The following MACROD2 variants were observed in gnomAD, a reference collection of about 807,000 sequenced individuals.
MACROD2 encodes the protein ADP-ribose glycohydrolase MACROD2.
Under a neutral mutation model 70.4 loss-of-function variants are expected in MACROD2, and 36 were observed. The observed-to-expected ratio is 0.51, with a 90% CI of 0.39 to 0.68. The LOEUF is 0.68. Ranked by LOEUF, MACROD2 falls within the 30% of genes least tolerant of loss-of-function variation. The pLI is 0.00. For synonymous variants in MACROD2, 172 were observed against 178.8 expected (o/e 0.96, Z 0.30); for missense variants, 496 against 538.4 (o/e 0.92, Z 0.78).
At chr20:15,009,739 C>G (rs1033233700) in intron 5 of MACROD2, among the ~76,000 whole-genome samples, 1 of 147,810 alleles carries the variant, frequency 6.8e-6, no homozygotes, top group Admixed American at 6.7e-5. Flanking sequence ...TTTTTTCAGT[C>G]TTTGAAACAC....
Position 15,230,079 on chromosome 20 carries a change from TTTTA to T in MACROD2, c.540+22_540+25del, listed in dbSNP as rs771888648. 14 of 1,609,226 alleles carry T rather than the reference TTTTA, an allele frequency of 8.7e-6. No homozygotes were observed. In the Admixed American group the frequency reaches 1.5e-4, roughly 17 times the overall value. On this transcript the variant is annotated intron_variant, in intron 6 of 17. Coordinates refer to ENST00000684519, the MANE Select transcript of MACROD2 (RefSeq NM_001351661.2). ...GATCAGTTGTAAGTAATTTTATGTT[TTTTA>T]TTTCTCACTCTTTTTCAACCTTTAT...
At chr20:14,777,127 C>A (rs1050346879) in intron 5 of MACROD2, among the ~76,000 whole-genome samples, 7 of 151,990 alleles carry the variant, frequency 4.6e-5, no homozygotes, top group Admixed American at 1.3e-4. Context: ...TATAAATATT[C>A]TTGCACATGT....
intron 15 of MACROD2, among the ~76,000 whole-genome samples, chr20:16,035,244 AC>A (rs1275823969): frequency 6.8e-6 from 1 of 147,794 alleles, no homozygotes; most frequent in Non-Finnish European, 1.5e-5. Flanking sequence ...TTCTTTATCC[AC>A]TCATTGACTG....
chr20:15,031,945 C>G lies in MACROD2; in HGVS notation c.419-197995C>G, dbSNP rs1300476400. Among the ~76,000 whole-genome samples the G allele has an allele frequency of 2.6e-5, 4 of 152,288 alleles. No individual in the cohort carries two copies. The East Asian group carries it at 7.7e-4, about 29-fold the overall frequency. ...ATCCAGGGCACCCAGGCTGTTCGTG[C>G]CCAGGCCCGCACCGAGCTGACCGCC... On this transcript the variant is annotated intron_variant, in intron 5 of 17. Coordinates refer to ENST00000684519, the MANE Select transcript of MACROD2 (RefSeq NM_001351661.2).
At chr20:15,700,024 A>T (rs2050433991) in intron 8 of MACROD2, among the ~76,000 whole-genome samples, 1 of 152,058 alleles carries the variant, frequency 6.6e-6, no homozygotes, top group Non-Finnish European at 1.5e-5. Flanking sequence ...ACAGACCTTC[A>T]GCTTCTCCAG....
chr20:15,928,040 T>C (rs991712158), intron 10 of MACROD2, among the ~76,000 whole-genome samples: 2 of 152,218 alleles, frequency 1.3e-5, no homozygotes, highest in East Asian at 1.9e-4. Context: ...TCTTGAAAAG[T>C]GGCGAAACAC....
At chr20:14,327,354 G>A in intron 3 of MACROD2, 2 of 1,613,770 alleles carry the variant, frequency 1.2e-6, no homozygotes, top group Non-Finnish European at 1.7e-6. Context: ...CTGTTGGAAT[G>A]GATGTCAGAA....
At chr20:14,878,987 C>A (rs948471021) in intron 5 of MACROD2, among the ~76,000 whole-genome samples, 2 of 152,138 alleles carry the variant, frequency 1.3e-5, no homozygotes, top group Non-Finnish European at 2.9e-5. Flanking sequence ...TTACTTCCTG[C>A]ATGCTTCAGC....
intron 7 of MACROD2, among the ~76,000 whole-genome samples, chr20:15,435,526 A>T (rs1203765981): frequency 6.6e-6 from 1 of 152,164 alleles, no homozygotes; most frequent in Non-Finnish European, 1.5e-5. Context: ...TTTGAAGATC[A>T]CCATGTTCCC....
intron 8 of MACROD2, among the ~76,000 whole-genome samples, chr20:15,642,156 G>T (rs1426373605): frequency 6.6e-6 from 1 of 152,162 alleles, no homozygotes; most frequent in Non-Finnish European, 1.5e-5. Context: ...TCCATCTCTG[G>T]TGATCCTGTG....
chr20:14,422,493 A>C (rs755761822), intron 3 of MACROD2, among the ~76,000 whole-genome samples: 3 of 151,912 alleles, frequency 2.0e-5, no homozygotes, highest in Non-Finnish European at 4.4e-5. Context: ...TTGCTCTATT[A>C]CTGTCTTATT....
chr20:14,326,327 G>A lies in MACROD2; in HGVS notation c.272-167152G>A, dbSNP rs1208709402. ...GTTTGGTGATCCTTAGTGAGCTTGG[G>A]GTTCTTAATATCTGGCTGTTTGGTC... On this transcript the variant is annotated intron_variant, in intron 3 of 17. Transcript: ENST00000684519. This position sits in a 1 kb window ranked among gnomAD's most constrained non-coding sequence, Gnocchi z 5.5. The A allele has an allele frequency of 2.5e-6, 4 of 1,613,714 alleles. No individual in the cohort carries two copies. Among genetic ancestry groups the A allele is most frequent in the East Asian group, 4.5e-5 (2 of 44,876 alleles).
At chr20:15,760,201 C>T (rs549903238) in intron 8 of MACROD2, among the ~76,000 whole-genome samples, 4 of 152,288 alleles carry the variant, frequency 2.6e-5, no homozygotes, top group East Asian at 1.9e-4. Context: ...CTCGGCTTCA[C>T]GAAAATGACC....
intron 5 of MACROD2, among the ~76,000 whole-genome samples, chr20:15,099,955 GAAAAAGAAAA>G (rs2075859747): frequency 1.3e-5 from 2 of 150,854 alleles, no homozygotes; most frequent in Non-Finnish European, 1.5e-5. Context: ...AAATTCAAAA[GAAAAAGAAAA>G]AAAAAGAAAT....
intron 6 of MACROD2, among the ~76,000 whole-genome samples, chr20:15,400,072 AGG>A (rs1299331364): frequency 3.8e-4 from 58 of 152,380 alleles, no homozygotes; most frequent in Admixed American, 1.1e-3. Context: ...AAAAGAAGTC[AGG>A]AAGTTGAAAA....
chr20:15,180,766 C>T (rs2076494795), intron 5 of MACROD2, among the ~76,000 whole-genome samples: 1 of 152,248 alleles, frequency 6.6e-6, no homozygotes, highest in South Asian at 2.1e-4. Flanking sequence ...TCTGGGATTA[C>T]AGGCGTGAGC....
intron 5 of MACROD2, among the ~76,000 whole-genome samples, chr20:14,806,672 G>A (rs554172701): frequency 1.3e-5 from 2 of 152,230 alleles, no homozygotes; most frequent in East Asian, 3.9e-4. Flanking sequence ...ACGGAGACCA[G>A]CAAGCTAATA....
intron 8 of MACROD2, among the ~76,000 whole-genome samples, chr20:15,745,216 T>C (rs12480602): frequency 0.088 from 13,336 of 152,288 alleles, 869 homozygotes; most frequent in East Asian, 0.29. Flanking sequence ...CATACATTTC[T>C]TTCCACATCA....
chr20:14,838,163 T>C (rs2073050725), intron 5 of MACROD2, among the ~76,000 whole-genome samples: 1 of 152,142 alleles, frequency 6.6e-6, no homozygotes, highest in African/African-American at 2.4e-5. Flanking sequence ...TATGTGGGTG[T>C]GTAATCATTT....
Sources: allele counts gnomAD v4.1 joint callset (sites outside exome capture counted in the v4.1 genomes callset), GRCh38; gene constraint gnomAD v4.1.1; non-coding constraint Gnocchi (gnomAD v3.1); transcripts MANE v1.5; gene names NCBI Gene and HGNC (gene_info 2026-07-23, HGNC 2026-07-21).